Variants in VWC2L observed in about 807,000 individuals in gnomAD.
VWC2L encodes von Willebrand factor C domain containing 2 like, also known as von Willebrand factor C domain-containing protein 2-like.
A neutral mutation model predicts 21.6 loss-of-function variants in VWC2L; 10 were observed. That is an observed-to-expected ratio of 0.46 (90% CI 0.29 to 0.78). The LOEUF (loss-of-function observed/expected upper bound fraction) is 0.78, where lower values mean the gene tolerates loss of function less well. VWC2L is among the 30% of genes least tolerant of loss of function. The pLI is 0.10. For synonymous variants in VWC2L, 96 were observed against 94.3 expected (o/e 1.02, Z -0.10); for missense variants, 209 against 277.1 (o/e 0.75, Z 1.74).
chr2:214,544,038 C>T (rs1213308116), intron 3 of VWC2L, among the ~76,000 whole-genome samples: 1 of 152,174 alleles, frequency 6.6e-6, no homozygotes, highest in East Asian at 1.9e-4. Flanking sequence ...GACAAAAACA[C>T]AGAAATAGTA....
At chr2:214,574,709 GA>G (rs1452754432) in intron 3 of VWC2L, among the ~76,000 whole-genome samples, 1 of 151,884 alleles carries the variant, frequency 6.6e-6, no homozygotes, top group Admixed American at 6.6e-5. Context: ...TTCAAAGAAA[GA>G]ACAATTTGTA....
At chr2:214,518,662 A>G (rs1376166066) in intron 3 of VWC2L, among the ~76,000 whole-genome samples, 2 of 152,216 alleles carry the variant, frequency 1.3e-5, no homozygotes, top group African/African-American at 2.4e-5. Context: ...AATACCTCAC[A>G]GTAGAAAATG....
rs377151180 is a variant in VWC2L, at chr2:214,575,813, C to G, written c.662C>G (p.Thr221Ser). 1 of 1,612,346 alleles carries G rather than the reference C, an allele frequency of 6.2e-7. No individual in the cohort carries two copies. Among genetic ancestry groups the G allele is most frequent in the Non-Finnish European group, 8.5e-7 (1 of 1,178,696 alleles). ...AAACGTGAATGCCAAGGCAAGCAGA[C>G]TGTGTAGGACAAACTTCCACCCAAT... ...CSKRECQGKQ[T>S]V is the part of the protein sequence containing the mutation. The change falls in exon 4 of 4, where the codon ACT becomes AGT. Residue 221 changes from threonine (T) to serine (S), a missense_variant. Transcript: ENST00000312504.
At chr2:214,492,976 A>G (rs1012176591) in intron 3 of VWC2L, among the ~76,000 whole-genome samples, 6 of 152,228 alleles carry the variant, frequency 3.9e-5, no homozygotes, top group Admixed American at 1.3e-4. Flanking sequence ...CCAAGCGTTT[A>G]TCAATGGTGC....
intron 3 of VWC2L, among the ~76,000 whole-genome samples, chr2:214,547,814 T>G (rs932364579): frequency 1.3e-5 from 2 of 152,192 alleles, no homozygotes; most frequent in African/African-American, 4.8e-5. Context: ...GATGACTTTA[T>G]CAATTCTTAG....
intron 3 of VWC2L, among the ~76,000 whole-genome samples, chr2:214,485,553 C>G (rs768728125): frequency 6.6e-6 from 1 of 152,126 alleles, no homozygotes; most frequent in Non-Finnish European, 1.5e-5. Context: ...GGCTGACATA[C>G]GAAGGTCACT....
chr2:214,575,482 T>G (rs1162026166), intron 3 of VWC2L, among the ~76,000 whole-genome samples, 190 bp from the exon 4 acceptor site: 5 of 152,196 alleles, frequency 3.3e-5, no homozygotes, highest in African/African-American at 7.2e-5. Flanking sequence ...ACGGGAAATA[T>G]GAGCTGTGTG....
intron 3 of VWC2L, among the ~76,000 whole-genome samples, chr2:214,499,367 G>C (rs1332484369): frequency 6.6e-6 from 1 of 152,030 alleles, no homozygotes; most frequent in African/African-American, 2.4e-5. Flanking sequence ...AATCAGCAAA[G>C]TTTGAAAAAC....
chr2:214,482,523 G>C (rs969513711), intron 3 of VWC2L, among the ~76,000 whole-genome samples: 14 of 148,110 alleles, frequency 9.5e-5, no homozygotes, highest in African/African-American at 3.6e-4. Flanking sequence ...GTATATGTGT[G>C]TATCTATATA....
At chr2:214,569,336 G>GAC (rs148085755) in intron 3 of VWC2L, among the ~76,000 whole-genome samples, 35 of 150,898 alleles carry the variant, frequency 2.3e-4, no homozygotes, top group African/African-American at 3.4e-4. Flanking sequence ...CACACACACA[G>GAC]ACACACACAC....
intron 3 of VWC2L, among the ~76,000 whole-genome samples, chr2:214,455,142 A>G (rs1703036728): frequency 6.6e-6 from 1 of 152,198 alleles, no homozygotes; most frequent in Non-Finnish European, 1.5e-5. Context: ...AAGAGTTTGT[A>G]TAGAATTAGT....
intron 3 of VWC2L, among the ~76,000 whole-genome samples, chr2:214,557,901 T>C (rs1574635361): frequency 6.6e-6 from 1 of 152,186 alleles, no homozygotes; most frequent in East Asian, 1.9e-4. Flanking sequence ...TTTAAAGATA[T>C]TTCTCTCTCA....
chr2:214,517,990 C>CCCCGTCTCTACTAAAAATACAAAAA (rs1246439882), intron 3 of VWC2L, among the ~76,000 whole-genome samples: 2 of 152,130 alleles, frequency 1.3e-5, no homozygotes, highest in Non-Finnish European at 2.9e-5. Flanking sequence ...CACAGTGAAA[C>CCCCGTCTCTACTAAAAATACAAAAA]CCCGTCTCTA....
At chr2:214,417,345 AG>A (rs34739630) in intron 2 of VWC2L, among the ~76,000 whole-genome samples, 24,216 of 152,150 alleles carry the variant, frequency 0.16, 2,006 homozygotes, top group East Asian at 0.24. Flanking sequence ...TGAAGAGAGA[AG>A]GGGGAAAAAG....
At chr2:214,491,727 G>A (rs1356149261) in intron 3 of VWC2L, among the ~76,000 whole-genome samples, 1 of 152,044 alleles carries the variant, frequency 6.6e-6, no homozygotes, top group Non-Finnish European at 1.5e-5. Context: ...ATGGAAATAT[G>A]TTTAAGTCCC....
chr2:214,500,649 G>A (rs2126205699), intron 3 of VWC2L, among the ~76,000 whole-genome samples: 2 of 152,258 alleles, frequency 1.3e-5, no homozygotes, highest in Middle Eastern at 6.8e-3. Flanking sequence ...GGGCCTTATG[G>A]CCCCTTTATC....
intron 3 of VWC2L, among the ~76,000 whole-genome samples, chr2:214,440,352 A>G (rs1702746904): frequency 6.6e-6 from 1 of 152,036 alleles, no homozygotes; most frequent in Admixed American, 6.6e-5. Flanking sequence ...ACACAGCTCC[A>G]AGAACTAGCA....
intron 3 of VWC2L, among the ~76,000 whole-genome samples, chr2:214,556,500 G>T (rs995276670): frequency 6.6e-6 from 1 of 152,080 alleles, no homozygotes; most frequent in Non-Finnish European, 1.5e-5. Context: ...AACATGAAGG[G>T]TCACACACAG....
At chr2:214,436,604 G>T (rs1702682732) in intron 2 of VWC2L, 25 bp from the exon 3 acceptor site, 1 of 1,611,250 alleles carries the variant, frequency 6.2e-7, no homozygotes, top group South Asian at 1.1e-5. Context: ...AGGAGAAAAG[G>T]GGCTAATTTT....
Sources: gnomAD v4.1 joint callset for allele counts (sites outside exome capture counted in the v4.1 genomes callset) on GRCh38, gnomAD v4.1.1 for gene constraint, MANE v1.5 for transcripts, NCBI Gene and HGNC (gene_info 2026-07-23, HGNC 2026-07-21) for gene names.